Variants in MAP2K5 observed in about 807,000 individuals in gnomAD.
MAP2K5 encodes the protein mitogen-activated protein kinase kinase 5.
MAP2K5 carries 49 observed loss-of-function variants against 83.1 expected under a neutral mutation model. The observed-to-expected ratio is 0.59, with a 90% CI of 0.47 to 0.75. The LOEUF is 0.75. Among genes scored for constraint, MAP2K5 ranks in the 30% least tolerant of loss-of-function variants. MAP2K5 has a pLI of 0.00. For missense variants in MAP2K5, 457 were observed against 557.5 expected (o/e 0.82, Z 1.82); for synonymous variants, 202 against 191.8 (o/e 1.05, Z -0.44).
chr15:67,589,655 A>G (rs983070535), intron 6 of MAP2K5, among the ~76,000 whole-genome samples: 1 of 152,200 alleles, frequency 6.6e-6, no homozygotes, highest in African/African-American at 2.4e-5. Context: ...TGGAATATCT[A>G]TGTAGAAACC....
intron 16 of MAP2K5, among the ~76,000 whole-genome samples, chr15:67,723,664 C>G (rs2089021778): frequency 1.3e-5 from 2 of 152,122 alleles, no homozygotes; most frequent in African/African-American, 2.4e-5. Flanking sequence ...ACGATGTGAG[C>G]TGCTCCCCTC....
chr15:67,713,386 G>A (rs573860411), intron 16 of MAP2K5, among the ~76,000 whole-genome samples: 53 of 152,250 alleles, frequency 3.5e-4, no homozygotes, highest in Middle Eastern at 6.8e-3. Flanking sequence ...TCTTCTATAC[G>A]TATAAGTAAA....
At chr15:67,597,533 T>TA (rs1453374586) in intron 7 of MAP2K5, among the ~76,000 whole-genome samples, 2 of 152,250 alleles carry the variant, frequency 1.3e-5, no homozygotes, top group African/African-American at 4.8e-5. Context: ...TTTTAAATGA[T>TA]ACTTGATCCC....
At position 67,658,608 on chromosome 15, in the gene MAP2K5, A is replaced by G; in HGVS notation, c.792A>G (p.Ala264=). The change falls in exon 12 of 22, where the codon GCA becomes GCG. Residue 264 remains alanine (A), a synonymous_variant. Coordinates refer to ENST00000178640, the MANE Select transcript of MAP2K5 (RefSeq NM_145160.3). ...CAGAACATGTCCTTGGAAGAATTGCAGTAGCAGTAAGTATATGGCTTCAGT... is the reference window on the plus strand; with the variant it reads ...CAGAACATGTCCTTGGAAGAATTGCGGTAGCAGTAAGTATATGGCTTCAGT... ...KMPEHVLGRI[A]VAVVKGLTYL... is the part of the protein sequence containing the mutation. 3.1e-6 allele frequency: 5 copies of G among 1,610,602 alleles called. No individual in the cohort carries two copies. The highest frequency in any genetic ancestry group is 4.2e-6 in the Non-Finnish European group (5 of 1,177,528).
rs961990461 is a variant in MAP2K5, at chr15:67,768,540, C to A, written c.1135-1062C>A. On this transcript the variant is annotated intron_variant, in intron 19 of 21. Coordinates refer to ENST00000178640, the MANE Select transcript of MAP2K5 (RefSeq NM_145160.3). This position sits in a 1 kb window ranked among gnomAD's most constrained non-coding sequence, Gnocchi z 4.0. ...TCCAAATGGCCAAAGCACTCCAAAG[C>A]ACAGTGAGATTAAAATAAGTCATTC... Among the ~76,000 whole-genome samples the A allele has an allele frequency of 6.6e-6, 1 of 152,150 alleles. No homozygotes were observed. Among genetic ancestry groups the A allele is most frequent in the Admixed American group, 6.5e-5 (1 of 15,272 alleles).
chr15:67,547,455 C>CTTTTTTTTT (rs398057779), intron 1 of MAP2K5, among the ~76,000 whole-genome samples: 7 of 128,762 alleles, frequency 5.4e-5, no homozygotes, highest in African/African-American at 5.8e-5. Context: ...TTTCTTTTTT[C>CTTTTTTTTT]TTTTTTTTTT....
intron 2 of MAP2K5, among the ~76,000 whole-genome samples, chr15:67,553,919 CAAAAAA>C (rs71142378): frequency 4.2e-4 from 34 of 80,096 alleles, no homozygotes; most frequent in Admixed American, 1.8e-3. Flanking sequence ...GACTCCATCT[CAAAAAA>C]AAAAAAAAAA....
At chr15:67,765,642 G>A (rs756719424) in intron 19 of MAP2K5, among the ~76,000 whole-genome samples, 1 of 152,090 alleles carries the variant, frequency 6.6e-6, no homozygotes, top group Non-Finnish European at 1.5e-5. Context: ...TGCTCTCAAG[G>A]TCACTAAACG....
intron 17 of MAP2K5, among the ~76,000 whole-genome samples, chr15:67,744,476 A>C (rs2089560755): frequency 6.6e-6 from 1 of 152,284 alleles, no homozygotes; most frequent in Non-Finnish European, 1.5e-5. Flanking sequence ...GACCTAGGTC[A>C]CACATAAATC....
chr15:67,754,739 G>T (rs2089799597), intron 19 of MAP2K5, among the ~76,000 whole-genome samples: 1 of 152,114 alleles, frequency 6.6e-6, no homozygotes, highest in Non-Finnish European at 1.5e-5. Context: ...ACCACCATAG[G>T]TATCTAAGTG....
intron 7 of MAP2K5, among the ~76,000 whole-genome samples, chr15:67,593,657 T>C (rs1298018577): frequency 6.6e-6 from 1 of 152,280 alleles, no homozygotes; most frequent in Admixed American, 6.5e-5. Flanking sequence ...TTTGTTATAG[T>C]GGAAGCCCTT....
intron 3 of MAP2K5, among the ~76,000 whole-genome samples, chr15:67,566,211 G>A (rs1225988279): frequency 6.6e-6 from 1 of 152,084 alleles, no homozygotes; most frequent in Admixed American, 6.5e-5. Context: ...GTCTCATTCT[G>A]TTGCCTAGGG....
At position 67,745,745 on chromosome 15, in the gene MAP2K5, C is replaced by T. The variant is rs533341051; in HGVS notation, c.1075-2486C>T. Among the ~76,000 whole-genome samples the T allele has an allele frequency of 4.1e-4, 62 of 152,250 alleles. 1 individual carries two copies. Among genetic ancestry groups the T allele is most frequent in the African/African-American group, 1.5e-3 (61 of 41,536 alleles). Reference sequence around the variant, plus strand: ...TATGTGGCATTCATATAAAGAAAAGCACAGTAGCTTTATTTAATTGAGAAA... The same window carrying T: ...TATGTGGCATTCATATAAAGAAAAGTACAGTAGCTTTATTTAATTGAGAAA... On this transcript the variant is annotated intron_variant, in intron 17 of 21. Coordinates refer to ENST00000178640, the MANE Select transcript of MAP2K5 (RefSeq NM_145160.3).
Position 67,781,790 on chromosome 15 carries a change from G to T in MAP2K5, c.1242+9038G>T, listed in dbSNP as rs990703306. Reference sequence around the variant, plus strand: ...GTGTGTGTCTTAGCTTCCTCAGAAGGCTTCTGAATGGCCTGCATCTCTTTC... The same window carrying T: ...GTGTGTGTCTTAGCTTCCTCAGAAGTCTTCTGAATGGCCTGCATCTCTTTC... On this transcript the variant is annotated intron_variant, in intron 21 of 21. Transcript: ENST00000178640. The surrounding 1 kb of genome is among the most constrained non-coding windows in gnomAD (Gnocchi z 4.0). Among the ~76,000 whole-genome samples, 1 of 152,146 alleles carries T rather than the reference G, an allele frequency of 6.6e-6. No individual in the cohort carries two copies. Among genetic ancestry groups the T allele is most frequent in the African/African-American group, 2.4e-5 (1 of 41,428 alleles).
chr15:67,566,646 A>G (rs559663072), intron 3 of MAP2K5, among the ~76,000 whole-genome samples: 120 of 152,252 alleles, frequency 7.9e-4, no homozygotes, highest in Non-Finnish European at 1.5e-3. Flanking sequence ...ATATCTCTGC[A>G]TAAGAATAAA....
intron 8 of MAP2K5, among the ~76,000 whole-genome samples, chr15:67,619,358 A>G (rs1048867744): frequency 6.6e-6 from 1 of 152,184 alleles, no homozygotes; most frequent in Admixed American, 6.5e-5. Flanking sequence ...GTCAGCCCCT[A>G]TTAGAAGGTA....
In MAP2K5 at chr15:67,668,260, G is replaced by A. The variant is rs1050104654; in HGVS notation, c.847+3615G>A. Among the ~76,000 whole-genome samples the A allele has an allele frequency of 6.6e-6, 1 of 152,016 alleles. No individual in the cohort carries two copies. The highest frequency in any genetic ancestry group is 2.4e-5 in the African/African-American group (1 of 41,378). On this transcript the variant is annotated intron_variant, in intron 13 of 21. Transcript: ENST00000178640. This position sits in a 1 kb window ranked among gnomAD's most constrained non-coding sequence, Gnocchi z 4.0. ...ATACACCACTCCAAAACCAAGCCAG[G>A]GAGAGAGTTTATTATACTTTATATT...
intron 1 of MAP2K5, chr15:67,546,508 T>C (rs374220165): frequency 1.2e-6 from 1 of 813,980 alleles, no homozygotes. Flanking sequence ...GGCAAGTCAG[T>C]CGGTCTCTCT....
At chr15:67,627,898 C>T in intron 8 of MAP2K5, 1 of 719,892 alleles carries the variant, frequency 1.4e-6, no homozygotes, top group South Asian at 1.5e-5. Flanking sequence ...TGAGGAAGCT[C>T]TTCATTGGAG....
Sources: gnomAD v4.1 joint callset for allele counts (sites outside exome capture counted in the v4.1 genomes callset) on GRCh38, gnomAD v4.1.1 for gene constraint, Gnocchi (gnomAD v3.1) non-coding constraint, MANE v1.5 for transcripts, NCBI Gene and HGNC (gene_info 2026-07-23, HGNC 2026-07-21) for gene names.